Variants in C16orf74 observed in about 807,000 individuals in gnomAD.
The protein encoded by C16orf74 is uncharacterized protein C16orf74.
A neutral mutation model predicts 6.5 loss-of-function variants in C16orf74; 10 were observed. The observed-to-expected ratio is 1.54, with a 90% CI of 0.95 to 2.61. C16orf74 has a LOEUF of 2.61. Ranked by LOEUF, C16orf74 falls within the 30% of genes most tolerant of loss-of-function variation. The pLI is 0.00. For missense variants in C16orf74, 141 were observed against 105.9 expected (o/e 1.33, Z -1.45); for synonymous variants, 60 against 42.5 (o/e 1.41, Z -1.60).
At chr16:85,723,939 T>G (rs1213551414) in intron 2 of C16orf74, among the ~76,000 whole-genome samples, 1 of 152,192 alleles carries the variant, frequency 6.6e-6, no homozygotes, top group Non-Finnish European at 1.5e-5. Flanking sequence ...TAGGCTGGTC[T>G]GCTCCCGTGC....
At chr16:85,729,270 A>C (rs2054164472) in intron 2 of C16orf74, among the ~76,000 whole-genome samples, 1 of 152,236 alleles carries the variant, frequency 6.6e-6, no homozygotes, top group African/African-American at 2.4e-5. Context: ...TGTTGATGCC[A>C]GCACGTGCCA....
chr16:85,740,010 G>C (rs1024094557), intron 1 of C16orf74, among the ~76,000 whole-genome samples: 3 of 151,672 alleles, frequency 2.0e-5, no homozygotes, highest in Non-Finnish European at 2.9e-5. Flanking sequence ...AGGAGTTCGA[G>C]ACCAGCCTGG....
intron 1 of C16orf74, 101 bp downstream of exon 1, chr16:85,750,825 G>A (rs1263989830): frequency 6.6e-6 from 1 of 152,174 alleles, no homozygotes; most frequent in Non-Finnish European, 1.5e-5. Context: ...GCAGCGGCTA[G>A]AGCTTGCGAG....
intron 1 of C16orf74, among the ~76,000 whole-genome samples, chr16:85,745,487 G>A (rs951150304): frequency 2.6e-5 from 4 of 152,224 alleles, no homozygotes; most frequent in African/African-American, 9.6e-5. Flanking sequence ...AAAATGATGT[G>A]TTCTTTCATA....
chr16:85,750,498 T>C (rs1207848368), intron 1 of C16orf74, among the ~76,000 whole-genome samples: 1 of 152,000 alleles, frequency 6.6e-6, no homozygotes. Context: ...AATAATAGAT[T>C]TGGAAATACT....
intron 1 of C16orf74, among the ~76,000 whole-genome samples, chr16:85,748,829 C>G (rs2054402512): frequency 6.6e-6 from 1 of 152,046 alleles, no homozygotes; most frequent in South Asian, 2.1e-4. Flanking sequence ...CATGTCTGAC[C>G]CCACTTCTCA....
intron 2 of C16orf74, among the ~76,000 whole-genome samples, chr16:85,721,540 G>A (rs931320077): frequency 2.6e-5 from 4 of 152,100 alleles, no homozygotes; most frequent in African/African-American, 9.7e-5. Flanking sequence ...GCAATGCTTG[G>A]GACATGCTTC....
chr16:85,738,363 T>C (rs925713590), intron 1 of C16orf74, among the ~76,000 whole-genome samples: 1 of 150,122 alleles, frequency 6.7e-6, no homozygotes, highest in African/African-American at 2.5e-5. Context: ...CTCACTCTGT[T>C]GCCCAGGCTG....
chr16:85,732,121 G>A (rs563823580), intron 2 of C16orf74, among the ~76,000 whole-genome samples: 1 of 152,364 alleles, frequency 6.6e-6, no homozygotes, highest in African/African-American at 2.4e-5. Context: ...CAAGGCAGAG[G>A]CTGGAGCTAA....
chr16:85,715,903 G>T (rs992679921), intron 2 of C16orf74, among the ~76,000 whole-genome samples: 9 of 152,198 alleles, frequency 5.9e-5, no homozygotes, highest in African/African-American at 2.2e-4. Flanking sequence ...GTGAGGACAT[G>T]AATGAATTCA....
Position 85,719,783 on chromosome 16 carries a change from CAGAGGG to C in C16orf74, c.29-9482_29-9477del, listed in dbSNP as rs1567804487. 3.6e-4 allele frequency among the ~76,000 whole-genome samples: 54 copies of C among 151,184 alleles called. No individual in the cohort carries two copies. In the South Asian group the frequency reaches 6.9e-3, roughly 19 times the overall value. On this transcript the variant is annotated intron_variant, in intron 2 of 3. Transcript: ENST00000284245. ...ACACACAAAGGCCCTGAGGCAGGAACAGAGGGGCCACAGGCCACAGCACACACAAAG... is the reference window on the plus strand; with the variant it reads ...ACACACAAAGGCCCTGAGGCAGGAACGCCACAGGCCACAGCACACACAAAG...
At chr16:85,735,388 A>G (rs1488762599) in intron 1 of C16orf74, among the ~76,000 whole-genome samples, 153 bp from the exon 2 acceptor site, 2 of 152,188 alleles carry the variant, frequency 1.3e-5, no homozygotes, top group Non-Finnish European at 2.9e-5. Flanking sequence ...CCACCTGTCA[A>G]CTACATCTGG....
At position 85,735,247 on chromosome 16, in the gene C16orf74, G is replaced by T; in HGVS notation, c.-18-12C>A. 6.4e-7 allele frequency: 1 copy of T among 1,558,598 alleles called. No homozygotes were observed. The highest frequency in any genetic ancestry group is 8.7e-7 in the Non-Finnish European group (1 of 1,153,428). On this transcript the variant is annotated splice_polypyrimidine_tract_variant and intron_variant, in intron 1 of 3. Transcript: ENST00000284245. ...GCACCTCTGCAGGCCTGTGGAGAGAGGACAGCGCTGAGAGAGGGGAGGGCG... is the reference window on the plus strand; with the variant it reads ...GCACCTCTGCAGGCCTGTGGAGAGATGACAGCGCTGAGAGAGGGGAGGGCG...
chr16:85,728,451 G>T (rs1442642847), intron 2 of C16orf74, among the ~76,000 whole-genome samples: 2 of 152,128 alleles, frequency 1.3e-5, no homozygotes, highest in Non-Finnish European at 2.9e-5. Context: ...GACAGTTGCT[G>T]GGACCAGTCT....
At chr16:85,709,012 C>T (rs2053940520) in intron 3 of C16orf74, among the ~76,000 whole-genome samples, 1 of 152,354 alleles carries the variant, frequency 6.6e-6, no homozygotes, top group South Asian at 2.1e-4. Flanking sequence ...CCTGCGGCAC[C>T]CGTGACTAGC....
intron 2 of C16orf74, among the ~76,000 whole-genome samples, chr16:85,718,435 C>T (rs576817683): frequency 3.9e-5 from 6 of 152,334 alleles, no homozygotes; most frequent in Admixed American, 6.5e-5. Context: ...AATGGGACCA[C>T]GCCCTCTTCC....
At chr16:85,737,866 C>G (rs1251616874) in intron 1 of C16orf74, among the ~76,000 whole-genome samples, 1 of 152,070 alleles carries the variant, frequency 6.6e-6, no homozygotes, top group Admixed American at 6.6e-5. Flanking sequence ...TTGTACAACC[C>G]GCAGCCCTCC....
chr16:85,727,253 CCA>C (rs2054143333), intron 2 of C16orf74, among the ~76,000 whole-genome samples: 2 of 152,178 alleles, frequency 1.3e-5, no homozygotes, highest in African/African-American at 4.8e-5. Context: ...TTTGGGTTGA[CCA>C]GGGGCTAGAC....
chr16:85,728,952 C>A (rs1381967206), intron 2 of C16orf74, among the ~76,000 whole-genome samples: 1 of 152,212 alleles, frequency 6.6e-6, no homozygotes, highest in East Asian at 1.9e-4. Flanking sequence ...GTTCCTGACT[C>A]AGTTGATCCA....
Sources: allele counts gnomAD v4.1 joint callset (sites outside exome capture counted in the v4.1 genomes callset), GRCh38; gene constraint gnomAD v4.1.1; transcripts MANE v1.5; gene names NCBI Gene and HGNC (gene_info 2026-07-23, HGNC 2026-07-21).